Variants in PARP16 observed in about 807,000 individuals in gnomAD.
PARP16 encodes the protein protein mono-ADP-ribosyltransferase PARP16.
In PARP16, 31 loss-of-function variants were observed where a neutral mutation model predicts 35.0. That is an observed-to-expected ratio of 0.88 (90% CI 0.66 to 1.19). The LOEUF (loss-of-function observed/expected upper bound fraction) is 1.19, where lower values mean the gene tolerates loss of function less well. Ranked by LOEUF, PARP16 falls within the 50% of genes most tolerant of loss-of-function variation. The probability of loss-of-function intolerance (pLI) is 0.00; values close to 1 mark genes in which losing one functional copy is unlikely to be tolerated. For missense variants in PARP16, 424 were observed against 411.2 expected, an observed-to-expected ratio of 1.03 and a Z score of -0.27; for synonymous variants, 162 against 169.5, an observed-to-expected ratio of 0.96 and a Z score of 0.34.
chr15:65,279,229 T>G (rs544374456), intron 1 of PARP16, among the ~76,000 whole-genome samples: 3 of 152,076 alleles, frequency 2.0e-5, no homozygotes, highest in Non-Finnish European at 4.4e-5. Flanking sequence ...AACCCTGAGT[T>G]GTTAGGAGGA....
At chr15:65,248,048 C>T (rs2089257750) in intron 3 of PARP16, 1 of 402,548 alleles carries the variant, frequency 2.5e-6, no homozygotes, top group Non-Finnish European at 5.0e-6. Context: ...TTGTGATCCG[C>T]CCGCCTCGGC....
downstream of PARP16, among the ~76,000 whole-genome samples, chr15:65,255,508 C>A (rs1009581717): frequency 6.6e-6 from 1 of 151,842 alleles, no homozygotes; most frequent in African/African-American, 2.4e-5. Flanking sequence ...GTGGCCCTGC[C>A]CTAGTCTTCC....
intron 4 of PARP16, among the ~76,000 whole-genome samples, chr15:65,262,734 T>C (rs2089777519): frequency 6.6e-6 from 1 of 152,240 alleles, no homozygotes; most frequent in Non-Finnish European, 1.5e-5. Context: ...CAAGGCTTTC[T>C]GCCGATACCC....
downstream of PARP16, among the ~76,000 whole-genome samples, chr15:65,254,363 G>A (rs776293267): frequency 7.2e-5 from 11 of 152,278 alleles, no homozygotes; most frequent in Admixed American, 6.5e-4. Context: ...GGTTGGAGAC[G>A]CATGCAAAGG....
chr15:65,260,402 C>A lies in PARP16; in HGVS notation c.833+483G>T, dbSNP rs144857184. Among the ~76,000 whole-genome samples the A allele has an allele frequency of 2.1e-3, 320 of 152,306 alleles. 1 individual carries two copies. Among genetic ancestry groups the A allele is most frequent in the African/African-American group, 7.5e-3 (311 of 41,554 alleles). On this transcript the variant is annotated intron_variant, in intron 5 of 5. Transcript: ENST00000649807. ...GATAAGGTCTGAAGGCCCACATCTG[C>A]TATTGAGTTCAAGGCCCTCATTTTA...
At chr15:65,249,939 A>G (rs1306988944) in intron 2 of PARP16, among the ~76,000 whole-genome samples, 1 of 152,126 alleles carries the variant, frequency 6.6e-6, no homozygotes, top group African/African-American at 2.4e-5. Flanking sequence ...CTGACATTGC[A>G]GGTGCCTTCT....
chr15:65,278,805 C>CT (rs1555425476), intron 1 of PARP16, among the ~76,000 whole-genome samples: 3 of 152,074 alleles, frequency 2.0e-5, no homozygotes, highest in Admixed American at 6.6e-5. Context: ...AGGAAAGTGT[C>CT]AGAGGTCACA....
At chr15:65,232,801 A>AAGCACAAAGTGC (rs1412865430), downstream of PARP16, among the ~76,000 whole-genome samples, 2 of 152,106 alleles carry the variant, frequency 1.3e-5, no homozygotes, top group African/African-American at 4.8e-5. Context: ...CACACCTGTA[A>AAGCACAAAGTGC]TTACAGCACT....
chr15:65,267,808 G>A (rs913856872), intron 2 of PARP16, among the ~76,000 whole-genome samples: 1 of 145,268 alleles, frequency 6.9e-6, no homozygotes, highest in Non-Finnish European at 1.5e-5. Context: ...CTCTGCCTCA[G>A]CCTCCGGAGT....
At chr15:65,267,507 T>C (rs570236888) in intron 2 of PARP16, among the ~76,000 whole-genome samples, 2,106 of 151,162 alleles carry the variant, frequency 0.014, 44 homozygotes, top group African/African-American at 0.043. Flanking sequence ...CTCGGGAGGC[T>C]GAGGCAGGAG....
At chr15:65,256,383 C>G (rs573841535), downstream of PARP16, among the ~76,000 whole-genome samples, 3 of 149,440 alleles carry the variant, frequency 2.0e-5, no homozygotes, top group East Asian at 4.0e-4. Context: ...TTAGAACCTT[C>G]TAATGGCTTT....
At chr15:65,240,717 G>A (rs563318529) in intron 3 of PARP16, among the ~76,000 whole-genome samples, 3 of 152,156 alleles carry the variant, frequency 2.0e-5, no homozygotes, top group Non-Finnish European at 4.4e-5. Context: ...AACCATTCAT[G>A]TATAGGTCTT....
chr15:65,286,551 G>T lies in PARP16; in HGVS notation c.-125C>A, dbSNP rs540266112. On this transcript the variant is annotated 5_prime_UTR_variant, in exon 1 of 6. Transcript: ENST00000649807. ...GGGGCCGGGTTCCCAAGCCTGGGGTGGAGCTAGGCAGGGGGCTGAGATGAC... is the reference window on the plus strand; with the variant it reads ...GGGGCCGGGTTCCCAAGCCTGGGGTTGAGCTAGGCAGGGGGCTGAGATGAC... 9 of 665,060 alleles carry T rather than the reference G, an allele frequency of 1.4e-5. No individual in the cohort carries two copies. In the East Asian group the frequency reaches 3.0e-4, roughly 22 times the overall value. 41.2% of individuals were successfully genotyped at this position (665,060 alleles called of 1,614,324 possible).
chr15:65,254,002 G>C (rs535262630), downstream of PARP16, among the ~76,000 whole-genome samples: 3 of 152,186 alleles, frequency 2.0e-5, no homozygotes, highest in East Asian at 5.8e-4. Flanking sequence ...ATTTTTAGTA[G>C]AGAAGGGGTT....
At chr15:65,252,335 C>T (rs2089383455) in intron 2 of PARP16, among the ~76,000 whole-genome samples, 1 of 152,212 alleles carries the variant, frequency 6.6e-6, no homozygotes, top group Non-Finnish European at 1.5e-5. Flanking sequence ...AGGACAAATA[C>T]TTTTCTAGCC....
At chr15:65,238,192 G>A (rs2088942033) in intron 3 of PARP16, among the ~76,000 whole-genome samples, 1 of 152,152 alleles carries the variant, frequency 6.6e-6, no homozygotes, top group African/African-American at 2.4e-5. Flanking sequence ...ACTGAGGCAG[G>A]AGAATTGCTT....
rs1043573760 is a variant in PARP16 at position 65,286,490 on chromosome 15, A to C, written c.-64T>G. 81 of 1,283,640 alleles carry C rather than the reference A, an allele frequency of 6.3e-5. No individual in the cohort carries two copies. Among genetic ancestry groups the C allele is most frequent in the Non-Finnish European group, 8.1e-5 (80 of 983,478 alleles). 79.5% of individuals were successfully genotyped at this position (1,283,640 alleles called of 1,614,324 possible). A position where few individuals can be genotyped will look rare whatever the true frequency, so the allele number is the denominator to read the frequency against. ...TAGGGGCAAGGGCGAGCGTGCGTTC[A>C]GCGCGGGGGCTGGGCCCGCGGACAA... On this transcript the variant is annotated 5_prime_UTR_variant, in exon 1 of 6. Coordinates refer to ENST00000649807, the MANE Select transcript of PARP16 (RefSeq NM_001316943.2).
chr15:65,246,269 G>A (rs766592491), intron 3 of PARP16, among the ~76,000 whole-genome samples: 4 of 152,090 alleles, frequency 2.6e-5, no homozygotes, highest in African/African-American at 4.8e-5. Context: ...GGGGATTCCC[G>A]AGATAGTCAC....
At chr15:65,274,890 C>T (rs1454293918) in intron 1 of PARP16, among the ~76,000 whole-genome samples, 1 of 151,994 alleles carries the variant, frequency 6.6e-6, no homozygotes, top group Non-Finnish European at 1.5e-5. Context: ...CCGAGGCAGG[C>T]GGATCACCTG....
Sources: gnomAD v4.1 joint callset for allele counts (sites outside exome capture counted in the v4.1 genomes callset) on GRCh38, gnomAD v4.1.1 for gene constraint, MANE v1.5 for transcripts, NCBI Gene and HGNC (gene_info 2026-07-23, HGNC 2026-07-21) for gene names.